Variants in LSM11 observed in about 807,000 individuals in gnomAD.
The protein encoded by LSM11 is LSM11, U7 small nuclear RNA associated.
Under a neutral mutation model 28.1 loss-of-function variants are expected in LSM11, and 14 were observed. The observed-to-expected ratio is 0.50, with a 90% CI of 0.33 to 0.78. The LOEUF (loss-of-function observed/expected upper bound fraction) is 0.78, where lower values mean the gene tolerates loss of function less well. LSM11 is among the 30% of genes least tolerant of loss of function. The pLI is 0.02. For synonymous variants in LSM11, 207 were observed against 214.2 expected, an observed-to-expected ratio of 0.97 and a Z score of 0.30; for missense variants, 495 against 510.6, an observed-to-expected ratio of 0.97 and a Z score of 0.30.
intron 1 of LSM11, among the ~76,000 whole-genome samples, chr5:157,750,988 G>T (rs1160303149): frequency 1.3e-5 from 2 of 152,088 alleles, no homozygotes; most frequent in Non-Finnish European, 2.9e-5. Context: ...CACCATGTTG[G>T]CCAGGCTGAT....
In LSM11 at chr5:157,757,353, A is replaced by G. The variant is rs942039066; in HGVS notation, c.*2089A>G. ...TAACTTTTTTTTTGCTGCTCCCGCT[A>G]TATCCCAGGCCTCACCCTTTTCTGA... On this transcript the variant is annotated 3_prime_UTR_variant, in exon 4 of 4. Transcript: ENST00000286307. The G allele has an allele frequency of 3.9e-5, 6 of 152,022 alleles. No individual in the cohort carries two copies. Among genetic ancestry groups the G allele is most frequent in the Admixed American group, 6.6e-5 (1 of 15,248 alleles). 9.4% of individuals were successfully genotyped at this position (152,022 alleles called of 1,614,324 possible).
chr5:157,751,347 G>A (rs781390607), intron 1 of LSM11, 43 bp from the exon 2 acceptor site: 4 of 1,528,972 alleles, frequency 2.6e-6, no homozygotes, highest in Admixed American at 4.5e-5. Flanking sequence ...TGGGAATGAG[G>A]GCAGATATTA....
chr5:157,743,817 C>T lies in LSM11; in HGVS notation c.67C>T (p.Arg23Trp), dbSNP rs868690739. 1.3e-6 allele frequency: 2 copies of T among 1,516,634 alleles called. No individual in the cohort carries two copies. Among genetic ancestry groups the T allele is most frequent in the Non-Finnish European group, 1.8e-6 (2 of 1,136,162 alleles). The allele number at this position is 1,516,634 out of a possible 1,614,324, so 93.9% of individuals were successfully genotyped here. The change falls in exon 1 of 4, where the codon CGG becomes TGG. Residue 23 changes from arginine to tryptophan, a missense_variant. Coordinates refer to ENST00000286307, the MANE Select transcript of LSM11 (RefSeq NM_173491.4). ...GAGCCCCGCGCGCCCGCCCAGCCCG[C>T]GGCTGGATGTCAGCTCTGACAGCTT... ...AGSPARPPSPRLDVSSDSFDP... is the reference protein window; with the variant it reads ...AGSPARPPSPWLDVSSDSFDP...
chr5:157,743,815 C>T lies in LSM11; in HGVS notation c.65C>T (p.Pro22Leu). The change falls in exon 1 of 4, where the codon CCG becomes CTG. Residue 22 changes from proline to leucine, a missense_variant. Physicochemically the swap from Pro to Leu is moderately conservative, Grantham distance 98. Coordinates refer to ENST00000286307, the MANE Select transcript of LSM11 (RefSeq NM_173491.4). ...GAGSPARPPSPRLDVSSDSFD... is the reference protein window; with the variant it reads ...GAGSPARPPSLRLDVSSDSFD... ...GGGAGCCCCGCGCGCCCGCCCAGCCCGCGGCTGGATGTCAGCTCTGACAGC... is the reference window on the plus strand; with the variant it reads ...GGGAGCCCCGCGCGCCCGCCCAGCCTGCGGCTGGATGTCAGCTCTGACAGC... 1 of 1,513,696 alleles carries T rather than the reference C, an allele frequency of 6.6e-7. No homozygotes were observed. The highest frequency in any genetic ancestry group is 8.8e-7 in the Non-Finnish European group (1 of 1,134,830). The allele number at this position is 1,513,696 out of a possible 1,614,324, so 93.8% of individuals were successfully genotyped here.
chr5:157,744,888 T>A (rs1761122889), intron 1 of LSM11, among the ~76,000 whole-genome samples: 1 of 152,196 alleles, frequency 6.6e-6, no homozygotes, highest in Admixed American at 6.5e-5. Flanking sequence ...TCACAAGTGC[T>A]GAAATGCAGC....
Position 157,756,230 on chromosome 5 carries a change from A to T in LSM11, c.*966A>T, listed in dbSNP as rs918239473. On this transcript the variant is annotated 3_prime_UTR_variant, in exon 4 of 4. Transcript: ENST00000286307. ...TCTTTCAGAATATGGTTTCACCATG[A>T]AACAGGGGTGGTAGATTTATTCCCT... The T allele has an allele frequency of 1.3e-5, 2 of 152,800 alleles. No individual in the cohort carries two copies. The highest frequency in any genetic ancestry group is 4.8e-5 in the African/African-American group (2 of 41,462). The allele number at this position is 152,800 out of a possible 1,614,324, so 9.5% of individuals were successfully genotyped here.
rs951774998 is a variant in LSM11 at position 157,759,064 on chromosome 5, T to C, written c.*3800T>C. The C allele has an allele frequency of 9.9e-5, 15 of 152,232 alleles. No individual in the cohort carries two copies. Among genetic ancestry groups the C allele is most frequent in the Non-Finnish European group, 1.6e-4 (11 of 68,040 alleles). 9.4% of individuals were successfully genotyped at this position (152,232 alleles called of 1,614,324 possible). A position where few individuals can be genotyped will look rare whatever the true frequency, so the allele number is the denominator to read the frequency against. ...TGAGATGGTTAGCTAGAGTTAGCAG[T>C]GTCCGGGGAGAGTGGCTTTAGACCA... On this transcript the variant is annotated 3_prime_UTR_variant, in exon 4 of 4. Coordinates refer to ENST00000286307, the MANE Select transcript of LSM11 (RefSeq NM_173491.4).
intron 1 of LSM11, among the ~76,000 whole-genome samples, chr5:157,749,951 AAGC>A (rs1202073696): frequency 3.9e-5 from 6 of 152,252 alleles, no homozygotes; most frequent in African/African-American, 1.2e-4. Flanking sequence ...ACTAGAAACA[AAGC>A]AGGAGAGATT....
At position 157,751,493 on chromosome 5, in the gene LSM11, A is replaced by T. The variant is rs771475557; in HGVS notation, c.552A>T (p.Thr184=). ...RTFKGLRGVC[T]GFLVAFDKFW... Reference sequence around the variant, plus strand: ...TCAAGGGACTTCGGGGCGTCTGTACAGGCTTCCTTGTTGCATTCGACAAGT... The same window carrying T: ...TCAAGGGACTTCGGGGCGTCTGTACTGGCTTCCTTGTTGCATTCGACAAGT... The change falls in exon 2 of 4, where the codon ACA becomes ACT. Residue 184 remains threonine (T), a synonymous_variant. Coordinates refer to ENST00000286307, the MANE Select transcript of LSM11 (RefSeq NM_173491.4). 24 of 1,612,738 alleles carry T rather than the reference A, an allele frequency of 1.5e-5. No individual in the cohort carries two copies. The Admixed American group carries it at 3.4e-4, about 23-fold the overall frequency.
At chr5:157,748,320 GTT>G (rs1256668766) in intron 1 of LSM11, among the ~76,000 whole-genome samples, 4 of 152,106 alleles carry the variant, frequency 2.6e-5, no homozygotes, top group African/African-American at 9.7e-5. Flanking sequence ...TGTAGATACA[GTT>G]TTGTCCTTAA....
rs116472743 is a variant in LSM11, at chr5:157,750,429, A to G, written c.449-961A>G. 6.3e-3 allele frequency among the ~76,000 whole-genome samples: 958 copies of G among 152,322 alleles called. 12 individuals are homozygous for G. Among genetic ancestry groups the G allele is most frequent in the African/African-American group, 0.021 (889 of 41,578 alleles). ...CTCAATATTCTTCCTATGAGTCATT[A>G]TCCTGCTCTCTTCACATGATGCTTA... On this transcript the variant is annotated intron_variant, in intron 1 of 3. Coordinates refer to ENST00000286307, the MANE Select transcript of LSM11 (RefSeq NM_173491.4).
intron 1 of LSM11, among the ~76,000 whole-genome samples, chr5:157,749,590 A>ACACACACACACACACACC (rs1330448456): frequency 7.4e-6 from 1 of 134,570 alleles, no homozygotes; most frequent in Non-Finnish European, 1.6e-5. Flanking sequence ...GCACGCGCGC[A>ACACACACACACACACACC]CACACACACA....
chr5:157,746,260 A>G (rs1761146076), intron 1 of LSM11, among the ~76,000 whole-genome samples: 1 of 152,258 alleles, frequency 6.6e-6, no homozygotes, highest in African/African-American at 2.4e-5. Context: ...AAAAATGCCT[A>G]TGCATTTGAG....
chr5:157,748,593 C>A (rs1246574759), intron 1 of LSM11, among the ~76,000 whole-genome samples: 1 of 152,172 alleles, frequency 6.6e-6, no homozygotes, highest in East Asian at 1.9e-4. Context: ...ATCTGGGGGT[C>A]ATGGCACGGG....
intron 1 of LSM11, among the ~76,000 whole-genome samples, chr5:157,749,037 G>A (rs1274684552): frequency 2.0e-5 from 3 of 152,190 alleles, no homozygotes; most frequent in Non-Finnish European, 2.9e-5. Flanking sequence ...GGTGGTGCTA[G>A]TGTCGTACTT....
chr5:157,748,468 C>T (rs2113070444), intron 1 of LSM11, among the ~76,000 whole-genome samples: 1 of 152,268 alleles, frequency 6.6e-6, no homozygotes, highest in East Asian at 1.9e-4. Context: ...TGTGTAAGAG[C>T]ATGTACTTAC....
rs1761322876 is a variant in LSM11 at position 157,756,112 on chromosome 5, A to C, written c.*848A>C. ...TTTATGTCAGGAGACTGTGACCTTC[A>C]TGTCCAGCTTCAAAGAGTTGTGCAT... On this transcript the variant is annotated 3_prime_UTR_variant, in exon 4 of 4. Coordinates refer to ENST00000286307, the MANE Select transcript of LSM11 (RefSeq NM_173491.4). The C allele has an allele frequency of 6.1e-6, 1 of 163,570 alleles. No individual in the cohort carries two copies. Among genetic ancestry groups the C allele is most frequent in the African/African-American group, 2.4e-5 (1 of 41,950 alleles). The allele number at this position is 163,570 out of a possible 1,614,324, so 10.1% of individuals were successfully genotyped here.
At position 157,743,717 on chromosome 5, in the gene LSM11, T is replaced by C. The variant is rs1744968995; in HGVS notation, c.-34T>C. 1 of 1,303,806 alleles carries C rather than the reference T, an allele frequency of 7.7e-7. No homozygotes were observed. Among genetic ancestry groups the C allele is most frequent in the Non-Finnish European group, 9.8e-7 (1 of 1,020,444 alleles). The allele number at this position is 1,303,806 out of a possible 1,614,324, so 80.8% of individuals were successfully genotyped here. ...CGCCCTCTGGCGGCTTCGTTCCTTC[T>C]TCCCATCGGCCTCGGCTTGCGGGCC... On this transcript the variant is annotated 5_prime_UTR_variant, in exon 1 of 4. Transcript: ENST00000286307.
chr5:157,746,900 C>T lies in LSM11; in HGVS notation c.448+2702C>T, dbSNP rs145267064. On this transcript the variant is annotated intron_variant, in intron 1 of 3. Coordinates refer to ENST00000286307, the MANE Select transcript of LSM11 (RefSeq NM_173491.4). ...CATAGAGACCTCTACAGAGGTGATA[C>T]GAGGTCTCAAAAAAAAGTAATAATA... Among the ~76,000 whole-genome samples the T allele has an allele frequency of 5.3e-5, 8 of 151,846 alleles. No individual in the cohort carries two copies. In the South Asian group the frequency reaches 6.2e-4, roughly 12 times the overall value.
Sources: allele counts gnomAD v4.1 joint callset (sites outside exome capture counted in the v4.1 genomes callset), GRCh38; gene constraint gnomAD v4.1.1; transcripts MANE v1.5; gene names NCBI Gene and HGNC (gene_info 2026-07-23, HGNC 2026-07-21).